C5: variants seen among roughly 807,000 people sequenced by gnomAD.
C5 encodes the protein complement C5.
In C5, 140 loss-of-function variants were observed where a neutral mutation model predicts 218.8. The ratio of observed to expected loss-of-function variants is 0.64; its 90% CI spans 0.56 to 0.74. C5 has a LOEUF of 0.74. Among genes scored for constraint, C5 ranks in the 30% least tolerant of loss-of-function variants. The pLI, the probability that C5 is intolerant of heterozygous loss-of-function variation, is 0.00. For missense variants in C5, 1,700 were observed against 1,969.6 expected, an observed-to-expected ratio of 0.86 and a Z score of 2.59; for synonymous variants, 614 against 682.3, an observed-to-expected ratio of 0.90 and a Z score of 1.56.
At chr9:120,967,259 CAAAA>C (rs755173508) in intron 33 of C5, among the ~76,000 whole-genome samples, 4 of 74,006 alleles carry the variant, frequency 5.4e-5, no homozygotes, top group Admixed American at 1.6e-4. Flanking sequence ...AACTCCATCT[CAAAA>C]AAAAAAAAAA....
intron 19 of C5, 73 bp from the exon 20 acceptor site, chr9:121,006,131 T>G (rs1325682191): frequency 1.3e-6 from 2 of 1,502,862 alleles, no homozygotes; most frequent in African/African-American, 2.8e-5. Flanking sequence ...TATTAAAATT[T>G]CTCACATTTG....
intron 34 of C5, 28 bp from the exon 35 acceptor site, chr9:120,962,995 T>C (rs751276454): frequency 6.5e-7 from 1 of 1,537,344 alleles, no homozygotes; most frequent in South Asian, 1.1e-5. Context: ...GAAGCTTGAA[T>C]TTCATTTCAT....
At chr9:120,961,420 C>T in intron 37 of C5, 62 bp downstream of exon 37, 4 of 1,047,216 alleles carry the variant, frequency 3.8e-6, no homozygotes, top group East Asian at 2.4e-5. Context: ...CCAGATTAAC[C>T]TCAGGTTATG....
upstream of C5, among the ~76,000 whole-genome samples, chr9:121,051,857 G>C (rs1193942714): frequency 1.3e-5 from 2 of 152,066 alleles, no homozygotes; most frequent in Admixed American, 1.3e-4. Flanking sequence ...GCAAAAGATG[G>C]GTCAAGTTAA....
At position 121,006,885 on chromosome 9, in the gene C5, A is replaced by G. The variant is rs2131740283; in HGVS notation, c.2422+19T>C. ...ATCAAATCACTATTTAAATGCATAT[A>G]TCACTTAAACCTGCTTACCAGTGTT... On this transcript the variant is annotated intron_variant, in intron 19 of 40. Coordinates refer to ENST00000223642, the MANE Select transcript of C5 (RefSeq NM_001735.3). The G allele has an allele frequency of 4.7e-6, 7 of 1,503,150 alleles. No individual in the cohort carries two copies. In the East Asian group the frequency reaches 1.4e-4, roughly 29 times the overall value. The allele number at this position is 1,503,150 out of a possible 1,614,324, so 93.1% of individuals were successfully genotyped here.
chr9:121,018,611 AAGGAAGGC>A (rs1166407932), intron 12 of C5, among the ~76,000 whole-genome samples: 12 of 74,848 alleles, frequency 1.6e-4, no homozygotes, highest in South Asian at 7.3e-4. Flanking sequence ...GGAAGGAAGG[AAGGAAGGC>A]AAGAAAGAAG....
intron 8 of C5, among the ~76,000 whole-genome samples, chr9:121,026,546 C>T (rs1216574402): frequency 6.6e-5 from 10 of 152,132 alleles, no homozygotes; most frequent in Non-Finnish European, 1.5e-5. Context: ...GTTGTAGGGG[C>T]CTGCCCTGTG....
At position 121,020,061 on chromosome 9, in the gene C5, T is replaced by A. The variant is rs758320457; in HGVS notation, c.1421A>T (p.Lys474Met). 1.2e-5 allele frequency: 19 copies of A among 1,613,310 alleles called. No homozygotes were observed. Among genetic ancestry groups the A allele is most frequent in the African/African-American group, 2.7e-5 (2 of 74,870 alleles). ...CAGATGTTCTCCCACTAGCAAAGCCTTATGGTTATCAGTCCAATCAATATA... is the reference window on the plus strand; with the variant it reads ...CAGATGTTCTCCCACTAGCAAAGCCATATGGTTATCAGTCCAATCAATATA... ...YLYIDWTDNH[K>M]ALLVGEHLNI... Residue 474 changes from lysine (K) to methionine (M), a missense_variant, in exon 12 of 41, where the codon AAG (lysine) becomes ATG (methionine). Physicochemically the swap from Lys to Met is moderately conservative, Grantham distance 95. Transcript: ENST00000223642.
intron 20 of C5, among the ~76,000 whole-genome samples, chr9:121,004,541 A>T (rs371752558): frequency 1.3e-5 from 2 of 152,308 alleles, no homozygotes; most frequent in African/African-American, 4.8e-5. Flanking sequence ...TGGGAAGCTG[A>T]GGCAGGTGGG....
At chr9:121,067,707 A>G in the C5 span, among the ~76,000 whole-genome samples, 2 of 152,064 alleles carry the variant, frequency 1.3e-5, no homozygotes, top group Non-Finnish European at 2.9e-5. Flanking sequence ...TGGGTGGATC[A>G]TGGGGGCAGT....
intron 33 of C5, among the ~76,000 whole-genome samples, chr9:120,964,471 GCAAA>G (rs41312891): frequency 0.046 from 6,957 of 152,224 alleles, 230 homozygotes; most frequent in Middle Eastern, 0.092. Context: ...CTCTTTAAAA[GCAAA>G]CAAACAAACA....
intron 25 of C5, among the ~76,000 whole-genome samples, chr9:120,983,964 A>G (rs1299067866): frequency 1.3e-5 from 2 of 152,078 alleles, no homozygotes; most frequent in African/African-American, 4.8e-5. Context: ...TTCCATCCCA[A>G]CCACACCAAA....
intron 38 of C5, among the ~76,000 whole-genome samples, chr9:120,959,662 A>G (rs2046812120): frequency 6.6e-6 from 1 of 152,212 alleles, no homozygotes; most frequent in Non-Finnish European, 1.5e-5. Context: ...AACTGAATAG[A>G]TAACAAAGGA....
intron 25 of C5, among the ~76,000 whole-genome samples, chr9:120,988,035 C>T (rs1398850774): frequency 6.6e-6 from 1 of 152,244 alleles, no homozygotes; most frequent in African/African-American, 2.4e-5. Flanking sequence ...TCATGATCCG[C>T]CCGCCTTGTC....
chr9:121,030,827 C>G (rs1021725375), intron 6 of C5, among the ~76,000 whole-genome samples: 1 of 152,064 alleles, frequency 6.6e-6, no homozygotes, highest in Non-Finnish European at 1.5e-5. Flanking sequence ...ATTTGCATTT[C>G]AAGATTATTT....
Position 120,980,418 on chromosome 9 carries a change from G to C in C5, c.3487-164C>G, listed in dbSNP as rs41311929. Among the ~76,000 whole-genome samples the C allele has an allele frequency of 8.6e-3, 1,306 of 152,184 alleles. 25 individuals carry two copies. The highest frequency in any genetic ancestry group is 0.03 in the African/African-American group (1,238 of 41,514). ...TTCTCAGTGAAGCAAATCCCTCCGA[G>C]AGAAGGAGCAGAGCATAATCTTGGA... On this transcript the variant is annotated intron_variant, in intron 27 of 40. Coordinates refer to ENST00000223642, the MANE Select transcript of C5 (RefSeq NM_001735.3).
At chr9:121,050,124 C>T (rs1377706157) in intron 1 of C5, 58 bp downstream of exon 1, 18 of 1,316,862 alleles carry the variant, frequency 1.4e-5, no homozygotes, top group African/African-American at 2.9e-5. Context: ...TTAAATTTAA[C>T]TCTTCATTCG....
intron 12 of C5, among the ~76,000 whole-genome samples, chr9:121,019,590 A>G (rs941245532): frequency 1.2e-4 from 19 of 152,356 alleles, no homozygotes; most frequent in Middle Eastern, 3.4e-3. Flanking sequence ...GGGTCTAGGC[A>G]TATAATCTTT....
chr9:121,051,422 C>T (rs1347150662), upstream of C5, among the ~76,000 whole-genome samples: 1 of 152,170 alleles, frequency 6.6e-6, no homozygotes, highest in African/African-American at 2.4e-5. Flanking sequence ...CTGTGCCTGG[C>T]TGATTTTTAA....
Sources: allele counts gnomAD v4.1 joint callset (sites outside exome capture counted in the v4.1 genomes callset), GRCh38; gene constraint gnomAD v4.1.1; transcripts MANE v1.5; gene names NCBI Gene and HGNC (gene_info 2026-07-23, HGNC 2026-07-21).